The following NLGN1 variants were observed in gnomAD, a reference collection of about 807,000 sequenced individuals.
NLGN1 encodes neuroligin-1.
Under a neutral mutation model 65.5 loss-of-function variants are expected in NLGN1, and 12 were observed. That is an observed-to-expected ratio of 0.18 (90% CI 0.12 to 0.30). The LOEUF is 0.30. NLGN1 is among the 10% of genes least tolerant of loss of function. NLGN1 has a pLI of 1.00. For missense variants in NLGN1, 750 were observed against 1,007.1 expected (o/e 0.74, Z 3.46); for synonymous variants, 350 against 359.5 (o/e 0.97, Z 0.30).
intron 4 of NLGN1, among the ~76,000 whole-genome samples, chr3:174,083,935 C>G (rs1353608465): frequency 6.6e-6 from 1 of 152,102 alleles, no homozygotes; most frequent in African/African-American, 2.4e-5. Context: ...ACAACAAAAC[C>G]AAGCACTGTT....
At chr3:174,289,739 G>T (rs536746465), downstream of NLGN1, among the ~76,000 whole-genome samples, 1 of 150,610 alleles carries the variant, frequency 6.6e-6, no homozygotes, top group Non-Finnish European at 1.5e-5. Flanking sequence ...ATATTTTAAA[G>T]TGAAAAGTAA....
At chr3:173,943,809 G>A (rs1422635224) in intron 4 of NLGN1, among the ~76,000 whole-genome samples, 2 of 152,240 alleles carry the variant, frequency 1.3e-5, no homozygotes, top group East Asian at 3.9e-4. Flanking sequence ...GTGACATTTT[G>A]TTATTCTAGA....
chr3:173,428,400 T>G (rs1366981083), intron 1 of NLGN1, among the ~76,000 whole-genome samples: 1 of 151,928 alleles, frequency 6.6e-6, no homozygotes, highest in Non-Finnish European at 1.5e-5. Flanking sequence ...TTTTTTCTGG[T>G]AGTATGTTTT....
At chr3:173,629,538 A>G (rs898778847) in intron 3 of NLGN1, among the ~76,000 whole-genome samples, 1 of 152,204 alleles carries the variant, frequency 6.6e-6, no homozygotes, top group Non-Finnish European at 1.5e-5. Flanking sequence ...AGCTTTAGGT[A>G]TGATTAGTAA....
chr3:174,089,156 T>A (rs2152562565), intron 4 of NLGN1, among the ~76,000 whole-genome samples: 1 of 152,326 alleles, frequency 6.6e-6, no homozygotes, highest in African/African-American at 2.4e-5. Flanking sequence ...GTACTTTCTA[T>A]ATTTTTAATT....
At chr3:174,179,485 C>T (rs920040983) in intron 4 of NLGN1, among the ~76,000 whole-genome samples, 2 of 151,918 alleles carry the variant, frequency 1.3e-5, no homozygotes, top group Non-Finnish European at 2.9e-5. Context: ...AAATATCAAG[C>T]GGATTTTTTT....
rs557215847 is a variant in NLGN1, at chr3:173,975,371, A to G, written c.646+167539A>G. 2.0e-5 allele frequency among the ~76,000 whole-genome samples: 3 copies of G among 151,954 alleles called. No homozygotes were observed. The East Asian group carries it at 5.8e-4, about 30-fold the overall frequency. On this transcript the variant is annotated intron_variant, in intron 4 of 6. Transcript: ENST00000457714. ...ATCAATGAAGAGTGGTTGATTGGGG[A>G]AGGGAGCTCTGGGAAGGAGAGAATG...
intron 4 of NLGN1, among the ~76,000 whole-genome samples, chr3:173,863,296 G>T (rs1729509171): frequency 6.6e-6 from 1 of 151,928 alleles, no homozygotes; most frequent in African/African-American, 2.4e-5. Flanking sequence ...ACATATACCT[G>T]CTGTCTTTGT....
At chr3:173,899,030 G>A (rs555400256) in intron 4 of NLGN1, among the ~76,000 whole-genome samples, 1 of 152,210 alleles carries the variant, frequency 6.6e-6, no homozygotes, top group South Asian at 2.1e-4. Flanking sequence ...AAGTGTTAAA[G>A]TAATTAAGTT....
intron 4 of NLGN1, among the ~76,000 whole-genome samples, chr3:173,862,087 A>G (rs2150808991): frequency 6.6e-6 from 1 of 151,616 alleles, no homozygotes; most frequent in African/African-American, 2.4e-5. Flanking sequence ...ATTTTATACC[A>G]CTCTAGGTAG....
intron 3 of NLGN1, among the ~76,000 whole-genome samples, chr3:173,685,965 G>A (rs1401651896): frequency 1.3e-5 from 2 of 152,166 alleles, no homozygotes; most frequent in African/African-American, 4.8e-5. Context: ...TACAAGAAGG[G>A]TAAAGGGAAG....
chr3:174,278,054 T>A (rs547042927), intron 5 of NLGN1, among the ~76,000 whole-genome samples: 5 of 152,116 alleles, frequency 3.3e-5, no homozygotes, highest in African/African-American at 1.2e-4. Context: ...GAACCATCAT[T>A]TACAATTCTT....
At chr3:173,865,378 A>G (rs1729927171) in intron 4 of NLGN1, among the ~76,000 whole-genome samples, 1 of 152,038 alleles carries the variant, frequency 6.6e-6, no homozygotes, top group South Asian at 2.1e-4. Context: ...CATCCCCAAA[A>G]TGCTCCATCA....
intron 3 of NLGN1, among the ~76,000 whole-genome samples, chr3:173,806,965 A>G (rs1716801994): frequency 6.6e-6 from 1 of 152,134 alleles, no homozygotes; most frequent in Non-Finnish European, 1.5e-5. Context: ...GTGAAAAAAT[A>G]TTTGTCTGTT....
At chr3:173,871,948 C>G (rs114533886) in intron 4 of NLGN1, among the ~76,000 whole-genome samples, 3 of 152,104 alleles carry the variant, frequency 2.0e-5, no homozygotes, top group Non-Finnish European at 2.9e-5. Flanking sequence ...CAATTTCAAC[C>G]GTTCCTAAGA....
intron 4 of NLGN1, among the ~76,000 whole-genome samples, chr3:173,929,797 C>T (rs189786041): frequency 2.2e-3 from 332 of 151,440 alleles, no homozygotes; most frequent in African/African-American, 7.8e-3. Context: ...TTCTGCCTCT[C>T]GGGTTCAAAT....
intron 3 of NLGN1, among the ~76,000 whole-genome samples, chr3:173,782,033 T>G (rs1270076080): frequency 6.6e-6 from 1 of 152,178 alleles, no homozygotes; most frequent in Non-Finnish European, 1.5e-5. Context: ...TTAGTTACTT[T>G]TATTGAAAGT....
chr3:174,112,999 C>T (rs780680068), intron 4 of NLGN1, among the ~76,000 whole-genome samples: 5 of 151,698 alleles, frequency 3.3e-5, no homozygotes, highest in Non-Finnish European at 7.4e-5. Flanking sequence ...TATATAAACA[C>T]ATATACATAG....
chr3:173,754,202 A>G (rs1178118850), intron 3 of NLGN1, among the ~76,000 whole-genome samples: 1 of 151,582 alleles, frequency 6.6e-6, no homozygotes, highest in Non-Finnish European at 1.5e-5. Flanking sequence ...ACAGGCCACC[A>G]TGCCTGGCTA....
Sources: gnomAD v4.1 joint callset for allele counts (sites outside exome capture counted in the v4.1 genomes callset) on GRCh38, gnomAD v4.1.1 for gene constraint, MANE v1.5 for transcripts, NCBI Gene and HGNC (gene_info 2026-07-23, HGNC 2026-07-21) for gene names.